APOBEC3A: variants seen among roughly 807,000 people sequenced by gnomAD.
APOBEC3A encodes the protein apolipoprotein B mRNA editing enzyme catalytic subunit 3A.
In APOBEC3A, 13 loss-of-function variants were observed where a neutral mutation model predicts 23.0. That is an observed-to-expected ratio of 0.57 (90% CI 0.37 to 0.90). The LOEUF (loss-of-function observed/expected upper bound fraction) is 0.90, where lower values mean the gene tolerates loss of function less well. APOBEC3A is among the 40% of genes least tolerant of loss of function. APOBEC3A has a pLI of 0.01. For synonymous variants in APOBEC3A, 74 were observed against 101.3 expected, an observed-to-expected ratio of 0.73 and a Z score of 1.62; for missense variants, 179 against 264.9, an observed-to-expected ratio of 0.68 and a Z score of 2.25.
chr22:38,960,881 G>A (rs1173113027), intron 2 of APOBEC3A, among the ~76,000 whole-genome samples: 7 of 151,716 alleles, frequency 4.6e-5, no homozygotes, highest in South Asian at 2.1e-4. Context: ...GGGCTCCGCC[G>A]GCCCCTCCTC....
intron 1 of APOBEC3A, among the ~76,000 whole-genome samples, chr22:38,958,410 C>T (rs1384532755): frequency 6.7e-6 from 1 of 148,366 alleles, no homozygotes; most frequent in African/African-American, 2.5e-5. Flanking sequence ...TCCTTCCTTC[C>T]CTTCTGTGCT....
chr22:38,958,275 TTTCC>T (rs540307237), intron 1 of APOBEC3A, among the ~76,000 whole-genome samples: 8 of 151,830 alleles, frequency 5.3e-5, no homozygotes, highest in African/African-American at 4.8e-5. Context: ...TCCTTCCTTC[TTTCC>T]TTCCTTCCTT....
At chr22:38,959,194 A>G (rs2146271634) in intron 1 of APOBEC3A, among the ~76,000 whole-genome samples, 1 of 152,330 alleles carries the variant, frequency 6.6e-6, no homozygotes, top group African/African-American at 2.4e-5. Flanking sequence ...GTCCATCTCC[A>G]GCAGGGGCTG....
In APOBEC3A at chr22:38,962,215, T is replaced by G. The variant is rs1335353736; in HGVS notation, c.585+2T>G. 1.5e-5 allele frequency: 25 copies of G among 1,613,522 alleles called. No homozygotes were observed. The highest frequency in any genetic ancestry group is 2.0e-5 in the Non-Finnish European group (24 of 1,179,994). On this transcript the variant is annotated splice_donor_variant, in intron 4 of 4. Coordinates refer to ENST00000249116, the MANE Select transcript of APOBEC3A (RefSeq NM_145699.4). LOFTEE classifies it high-confidence loss of function. ...GGGAGGCTGCGGGCCATTCTCCAGG[T>G]GAGGGCTTCCTCCCTCTGCCCGGTG...
Position 38,961,259 on chromosome 22 carries a change from C to T in APOBEC3A, c.175-128C>T. The T allele has an allele frequency of 4.1e-6, 3 of 724,682 alleles. 1 individual carries two copies. Among genetic ancestry groups the T allele is most frequent in the South Asian group, 3.8e-5 (2 of 53,254 alleles). 44.9% of individuals were successfully genotyped at this position (724,682 alleles called of 1,614,324 possible). On this transcript the variant is annotated intron_variant, in intron 2 of 4. Coordinates refer to ENST00000249116, the MANE Select transcript of APOBEC3A (RefSeq NM_145699.4). ...AATATTGCATAGAAAATCATGCATCCTAATAACCGGGGTTTTGGTGACCCC... is the reference window on the plus strand; with the variant it reads ...AATATTGCATAGAAAATCATGCATCTTAATAACCGGGGTTTTGGTGACCCC...
chr22:38,962,742 A>G lies in APOBEC3A; in HGVS notation c.*233A>G. The G allele has an allele frequency of 4.7e-6, 5 of 1,068,460 alleles. No individual in the cohort carries two copies. Among genetic ancestry groups the G allele is most frequent in the Non-Finnish European group, 5.2e-6 (4 of 770,092 alleles). The allele number at this position is 1,068,460 out of a possible 1,614,324, so 66.2% of individuals were successfully genotyped here. On this transcript the variant is annotated 3_prime_UTR_variant, in exon 5 of 5. Transcript: ENST00000249116. ...TGGAGGCCAAGGCGGGTGGATCACG[A>G]GGTCAGGAGATCGAGACCATCCTGG... is the stretch of plus-strand genomic sequence containing the variant.
At position 38,962,874 on chromosome 22, in the gene APOBEC3A, C is replaced by A. The variant is rs539519994; in HGVS notation, c.*365C>A. Reference sequence around the variant, plus strand: ...TCTGGAGGCTGAGGCAGGAGAGTAGCGTGAACCCGGGAGGCAGAGCTTGCG... The same window carrying A: ...TCTGGAGGCTGAGGCAGGAGAGTAGAGTGAACCCGGGAGGCAGAGCTTGCG... On this transcript the variant is annotated 3_prime_UTR_variant, in exon 5 of 5. Coordinates refer to ENST00000249116, the MANE Select transcript of APOBEC3A (RefSeq NM_145699.4). 57 of 354,262 alleles carry A rather than the reference C, an allele frequency of 1.6e-4. 4 individuals are homozygous for A. The highest frequency in any genetic ancestry group is 1.6e-3 in the South Asian group (55 of 34,524). 21.9% of individuals were successfully genotyped at this position (354,262 alleles called of 1,614,324 possible).
At chr22:38,959,830 T>C (rs1922795490) in intron 2 of APOBEC3A, 144 bp downstream of exon 2, 5 of 1,218,216 alleles carry the variant, frequency 4.1e-6, no homozygotes, top group South Asian at 1.6e-5. Flanking sequence ...GGCCCTGGGG[T>C]TGGGGGGAGA....
intron 2 of APOBEC3A, among the ~76,000 whole-genome samples, chr22:38,960,509 TGC>T (rs1490627562): frequency 2.0e-5 from 3 of 152,216 alleles, no homozygotes; most frequent in African/African-American, 7.2e-5. Context: ...TCACAGTCCT[TGC>T]TGCCCTGCTG....
chr22:38,960,648 G>T (rs540777443), intron 2 of APOBEC3A, among the ~76,000 whole-genome samples: 1 of 152,204 alleles, frequency 6.6e-6, no homozygotes, highest in Non-Finnish European at 1.5e-5. Context: ...TCCCACGTTG[G>T]AGTGAGTCCT....
intron 1 of APOBEC3A, among the ~76,000 whole-genome samples, chr22:38,958,597 TC>T (rs1270183213): frequency 4.0e-5 from 6 of 149,934 alleles, no homozygotes; most frequent in Admixed American, 1.3e-4. Flanking sequence ...CTTCCTTCCT[TC>T]CTCTCTTTCT....
chr22:38,962,347 T>C, intron 4 of APOBEC3A, 134 bp downstream of exon 4: 1 of 1,555,412 alleles, frequency 6.4e-7, no homozygotes, highest in East Asian at 2.4e-5. Flanking sequence ...GCTCCGTCCC[T>C]CCCTTTCCTT....
In APOBEC3A at chr22:38,961,569, C is replaced by G. The variant is rs201179078; in HGVS notation, c.357C>G (p.His119Gln). The G allele has an allele frequency of 6.5e-7, 1 of 1,531,942 alleles. No individual in the cohort carries two copies. Among genetic ancestry groups the G allele is most frequent in the Non-Finnish European group, 8.9e-7 (1 of 1,118,470 alleles). 94.9% of individuals were successfully genotyped at this position (1,531,942 alleles called of 1,614,324 possible). The change falls in exon 3 of 5, where the codon CAC becomes CAG. Residue 119 changes from histidine to glutamine, a missense_variant. Physicochemically the swap from His to Gln is conservative, Grantham distance 24. Coordinates refer to ENST00000249116, the MANE Select transcript of APOBEC3A (RefSeq NM_145699.4). ...GTGCGTTCCTTCAGGAGAACACACA[C>G]GTGAGACTGCGTATCTTCGCTGCCC... ...EVRAFLQENT[H>Q]VRLRIFAARI... is the part of the protein sequence containing the mutation.
intron 1 of APOBEC3A, among the ~76,000 whole-genome samples, chr22:38,958,311 T>G (rs2146269874): frequency 6.6e-6 from 1 of 150,868 alleles, no homozygotes; most frequent in Admixed American, 6.6e-5. Flanking sequence ...CCTTCCTTCC[T>G]TCAATTCTCT....
At position 38,962,749 on chromosome 22, in the gene APOBEC3A, G is replaced by T; in HGVS notation, c.*240G>T. The T allele has an allele frequency of 9.9e-7, 1 of 1,012,472 alleles. No individual in the cohort carries two copies. Among genetic ancestry groups the T allele is most frequent in the Non-Finnish European group, 1.4e-6 (1 of 722,306 alleles). The allele number at this position is 1,012,472 out of a possible 1,614,324, so 62.7% of individuals were successfully genotyped here. On this transcript the variant is annotated 3_prime_UTR_variant, in exon 5 of 5. Transcript: ENST00000249116. The stretch of plus-strand genomic sequence containing the variant: ...CAAGGCGGGTGGATCACGAGGTCAG[G>T]AGATCGAGACCATCCTGGCTAACAC...
intron 2 of APOBEC3A, among the ~76,000 whole-genome samples, chr22:38,960,824 C>G (rs1260564970): frequency 6.6e-6 from 1 of 151,948 alleles, no homozygotes; most frequent in Non-Finnish European, 1.5e-5. Context: ...GTCAATCTCC[C>G]CTTGAAGGAA....
At chr22:38,959,802 C>A in intron 2 of APOBEC3A, 116 bp downstream of exon 2, 1 of 1,368,854 alleles carries the variant, frequency 7.3e-7, no homozygotes, top group Non-Finnish European at 9.9e-7. Flanking sequence ...CTTGTGCTTC[C>A]TGCAGCTGCT....
chr22:38,962,255 C>G (rs370076950), intron 4 of APOBEC3A, 42 bp downstream of exon 4: 6 of 1,613,458 alleles, frequency 3.7e-6, no homozygotes, highest in Non-Finnish European at 5.1e-6. Context: ...ATCGGCCTCC[C>G]CCTCCTCCCC....
rs1217902768 is a variant in APOBEC3A at position 38,959,631 on chromosome 22, T to C, written c.119T>C (p.Leu40Pro). The change falls in exon 2 of 5, where the codon CTG (leucine) becomes CCG (proline). Residue 40 changes from leucine (L) to proline (P), a missense_variant. Transcript: ENST00000249116. ...TACCTGTGCTACGAAGTGGAGCGCC[T>C]GGACAATGGCACCTCGGTCAAGATG... ...KTYLCYEVER[L>P]DNGTSVKMDQ... is the part of the protein sequence containing the mutation. 1.2e-6 allele frequency: 2 copies of C among 1,614,124 alleles called. No homozygotes were observed. Among genetic ancestry groups the C allele is most frequent in the Non-Finnish European group, 1.7e-6 (2 of 1,180,002 alleles).
Sources: allele counts gnomAD v4.1 joint callset (sites outside exome capture counted in the v4.1 genomes callset), GRCh38; gene constraint gnomAD v4.1.1; transcripts MANE v1.5; gene names NCBI Gene and HGNC (gene_info 2026-07-23, HGNC 2026-07-21).